Variants in TTBK1 observed in about 807,000 individuals in gnomAD.
TTBK1 encodes tau-tubulin kinase 1.
In TTBK1, 34 loss-of-function variants were observed where a neutral mutation model predicts 108.5. The ratio of observed to expected loss-of-function variants is 0.31; its 90% confidence interval spans 0.24 to 0.42. TTBK1 has a LOEUF of 0.42. Among genes scored for constraint, TTBK1 ranks in the 10% least tolerant of loss-of-function variants. The probability of loss-of-function intolerance (pLI) is 1.00; values close to 1 mark genes in which losing one functional copy is unlikely to be tolerated. For missense variants in TTBK1, 1,539 were observed against 1,826.0 expected, an observed-to-expected ratio of 0.84 and a Z score of 2.86; for synonymous variants, 809 against 795.1, an observed-to-expected ratio of 1.02 and a Z score of -0.29.
rs1562102355 is a variant in TTBK1 at position 43,284,030 on chromosome 6, G to A, written c.3290G>A (p.Arg1097Lys). 2 of 1,563,324 alleles carry A rather than the reference G, an allele frequency of 1.3e-6. No homozygotes were observed. Among genetic ancestry groups the A allele is most frequent in the Non-Finnish European group, 8.7e-7 (1 of 1,153,022 alleles). ...QDLARLVMEK[R>K]QGRLLLRLAS... Reference sequence around the variant, plus strand: ...CTGGCGCGGCTGGTGATGGAGAAGAGGCAGGGCCGCCTGCTGTTGCGGCTG... The same window carrying A: ...CTGGCGCGGCTGGTGATGGAGAAGAAGCAGGGCCGCCTGCTGTTGCGGCTG... The change falls in exon 14 of 15, where the codon AGG (arginine) becomes AAG (lysine). Residue 1097 changes from arginine (R) to lysine (K), a missense_variant. Transcript: ENST00000259750.
rs552735153 is a variant in TTBK1, at chr6:43,263,117, C to T, written c.1753C>T (p.Arg585Trp). Residue 585 changes from arginine (R) to tryptophan (W), a missense_variant, in exon 13 of 15, where the codon CGG (arginine) becomes TGG (tryptophan). Around this residue, in one of 5 missense-constraint regions of TTBK1, gnomAD observed 1,055 missense variants for 1,086.5 expected, o/e 0.97. Coordinates refer to ENST00000259750, the MANE Select transcript of TTBK1 (RefSeq NM_032538.3). This position sits in a 1 kb window ranked among gnomAD's most constrained non-coding sequence, Gnocchi z 4.7. ...RPLPEEGEERRRLGAEPTVRP... is the reference protein window; with the variant it reads ...RPLPEEGEERWRLGAEPTVRP... ...ACTGCCCGAGGAGGGCGAAGAGCGG[C>T]GGCGGCTGGGGGCAGAGCCCACCGT... 9 of 1,567,044 alleles carry T rather than the reference C, an allele frequency of 5.7e-6. No individual in the cohort carries two copies. The highest frequency in any genetic ancestry group is 3.5e-5 in the South Asian group (3 of 86,030).
chr6:43,258,936 G>A (rs957483961), intron 10 of TTBK1, 102 bp from the exon 11 acceptor site: 45 of 795,242 alleles, frequency 5.7e-5, no homozygotes, highest in Non-Finnish European at 7.1e-5. Flanking sequence ...CTCTGTGCCC[G>A]CTCCTGGGGG....
intron 1 of TTBK1, among the ~76,000 whole-genome samples, chr6:43,245,330 G>A (rs574152309): frequency 3.9e-5 from 6 of 151,914 alleles, no homozygotes; most frequent in African/African-American, 1.4e-4. Flanking sequence ...GTGAGGGCAC[G>A]GTAGTGTGCT....
chr6:43,253,269 G>A lies in TTBK1; in HGVS notation c.257-22G>A. On this transcript the variant is annotated intron_variant, in intron 3 of 14. Transcript: ENST00000259750. The surrounding 1 kb of genome is among the most constrained non-coding windows in gnomAD (Gnocchi z 5.8). ...GAGGAAGAAAGAGTAAGAGCTGGAA[G>A]ACCTATGTCTGTGCCCCTCAGGGAA... is the stretch of plus-strand genomic sequence containing the variant. The A allele has an allele frequency of 1.2e-6, 2 of 1,613,550 alleles. No homozygotes were observed. Among genetic ancestry groups the A allele is most frequent in the Non-Finnish European group, 1.7e-6 (2 of 1,179,492 alleles).
chr6:43,285,221 C>G lies in TTBK1; in HGVS notation c.3811C>G (p.Pro1271Ala). 1 of 1,306,734 alleles carries G rather than the reference C, an allele frequency of 7.7e-7. No individual in the cohort carries two copies. Among genetic ancestry groups the G allele is most frequent in the Non-Finnish European group, 9.7e-7 (1 of 1,030,142 alleles). The allele number at this position is 1,306,734 out of a possible 1,614,324, so 80.9% of individuals were successfully genotyped here. A position where few individuals can be genotyped will look rare whatever the true frequency, so the allele number is the denominator to read the frequency against. Residue 1271 changes from proline (P) to alanine (A), a missense_variant, in exon 15 of 15, where the codon CCC becomes GCC. By Grantham distance (27) the Pro-to-Ala change is conservative. Around this residue, in one of 5 missense-constraint regions of TTBK1, gnomAD observed 1,055 missense variants for 1,086.5 expected, o/e 0.97. Transcript: ENST00000259750. The surrounding 1 kb of genome is among the most constrained non-coding windows in gnomAD (Gnocchi z 4.7). ...SPSHQARPGVPPPRGVPPARA... is the reference protein window; with the variant it reads ...SPSHQARPGVAPPRGVPPARA... ...CTCGCACCAGGCCCGGCCCGGGGTC[C>G]CCCCGCCCCGGGGCGTCCCGCCGGC...
At chr6:43,284,658 G>GA (rs1295250835) in intron 14 of TTBK1, among the ~76,000 whole-genome samples, 1 of 152,252 alleles carries the variant, frequency 6.6e-6, no homozygotes, top group Non-Finnish European at 1.5e-5. Context: ...CTCCTTGGGA[G>GA]AAAACATTAT....
chr6:43,283,307 A>C lies in TTBK1; in HGVS notation c.2567A>C (p.Asp856Ala), dbSNP rs762416657. 1.3e-6 allele frequency: 2 copies of C among 1,577,682 alleles called. No homozygotes were observed. Among genetic ancestry groups the C allele is most frequent in the East Asian group, 2.3e-5 (1 of 42,560 alleles). ...KSPVTAELAP[D>A]PDLGTLAALT... ...CCCGTCACTGCCGAACTGGCCCCCG[A>C]CCCCGACCTGGGCACCCTGGCTGCC... is the stretch of plus-strand genomic sequence containing the variant. The change falls in exon 14 of 15, where the codon GAC (aspartate) becomes GCC (alanine). Residue 856 changes from aspartate (D) to alanine (A), a missense_variant. Asp to Ala is a moderately radical substitution (Grantham distance 126). Around this residue, in one of 5 missense-constraint regions of TTBK1, gnomAD observed 1,055 missense variants for 1,086.5 expected, o/e 0.97. Coordinates refer to ENST00000259750, the MANE Select transcript of TTBK1 (RefSeq NM_032538.3). This position sits in a 1 kb window ranked among gnomAD's most constrained non-coding sequence, Gnocchi z 8.1.
chr6:43,247,066 T>G (rs1055336362), intron 2 of TTBK1, among the ~76,000 whole-genome samples: 1 of 152,078 alleles, frequency 6.6e-6, no homozygotes, highest in Admixed American at 6.5e-5. Context: ...CAGAGGCCAG[T>G]GTGGCGGAGG....
In TTBK1 at chr6:43,246,706, G is replaced by A. The variant is rs749009814; in HGVS notation, c.46G>A (p.Gly16Arg). Residue 16 changes from glycine (G) to arginine (R), a missense_variant, in exon 2 of 15, where the codon GGG becomes AGG. Physicochemically the swap from Gly to Arg is moderately radical, Grantham distance 125. Transcript: ENST00000259750. ...AALKDETNMS[G>R]GGEQADILPA... ...CCTTAAGGACGAAACCAACATGAGT[G>A]GGGGAGGGGAGCAGGCCGACATCCT... is the stretch of plus-strand genomic sequence containing the variant. 1.2e-6 allele frequency: 2 copies of A among 1,612,392 alleles called. No homozygotes were observed. Among genetic ancestry groups the A allele is most frequent in the East Asian group, 2.2e-5 (1 of 44,732 alleles).
At position 43,282,936 on chromosome 6, in the gene TTBK1, G is replaced by A. The variant is rs1447483771; in HGVS notation, c.2196G>A (p.Lys732=). The part of the protein sequence containing the change: ...LAPVQPQANG[K]EEEEEEEEDE... ...CTGTTCAGCCTCAGGCTAATGGGAA[G>A]GAGGAAGAGGAGGAGGAGGAGGAAG... is the stretch of plus-strand genomic sequence containing the variant. The change falls in exon 14 of 15, where the codon AAG becomes AAA. Residue 732 remains lysine (K), a synonymous_variant. Coordinates refer to ENST00000259750, the MANE Select transcript of TTBK1 (RefSeq NM_032538.3). This position sits in a 1 kb window ranked among gnomAD's most constrained non-coding sequence, Gnocchi z 5.4. The A allele has an allele frequency of 2.5e-6, 4 of 1,612,904 alleles. No homozygotes were observed. Among genetic ancestry groups the A allele is most frequent in the Non-Finnish European group, 3.4e-6 (4 of 1,179,266 alleles).
At chr6:43,271,599 G>A (rs1777836581) in intron 13 of TTBK1, 4 of 985,002 alleles carry the variant, frequency 4.1e-6, no homozygotes, top group African/African-American at 1.8e-5. Context: ...GAGGCCTCAG[G>A]GCCCTGGCCC....
rs1036112309 is a variant in TTBK1 at position 43,273,719 on chromosome 6, A to T, written c.1987-9008A>T. ...TGCCCATACCATCCTCAGCTCAACC[A>T]ATTGTTGCCACTATCTTCTAATTTT... On this transcript the variant is annotated intron_variant, in intron 13 of 14. Coordinates refer to ENST00000259750, the MANE Select transcript of TTBK1 (RefSeq NM_032538.3). The surrounding 1 kb of genome is among the most constrained non-coding windows in gnomAD (Gnocchi z 4.2). Among the ~76,000 whole-genome samples, 1 of 152,212 alleles carries T rather than the reference A, an allele frequency of 6.6e-6. No homozygotes were observed. The highest frequency in any genetic ancestry group is 1.5e-5 in the Non-Finnish European group (1 of 68,038).
At chr6:43,264,075 G>T (rs1286056136) in intron 13 of TTBK1, among the ~76,000 whole-genome samples, 1 of 152,128 alleles carries the variant, frequency 6.6e-6, no homozygotes, top group Non-Finnish European at 1.5e-5. Flanking sequence ...AAGGGAATGA[G>T]AATTCAGATT....
intron 6 of TTBK1, 122 bp downstream of exon 6, chr6:43,254,773 G>A (rs558481305): frequency 4.5e-6 from 4 of 896,796 alleles, no homozygotes; most frequent in East Asian, 2.7e-5. Context: ...CAGTATCAGC[G>A]CCACCCAGCT....
At chr6:43,250,649 G>A (rs1295988691) in intron 2 of TTBK1, among the ~76,000 whole-genome samples, 2 of 152,122 alleles carry the variant, frequency 1.3e-5, no homozygotes, top group Non-Finnish European at 2.9e-5. Flanking sequence ...GGGAGCCACC[G>A]CGCCTGGACC....
At chr6:43,244,547 T>C (rs948968897) in intron 1 of TTBK1, among the ~76,000 whole-genome samples, 5 of 152,172 alleles carry the variant, frequency 3.3e-5, no homozygotes, top group African/African-American at 1.2e-4. Flanking sequence ...TGTCCCATGT[T>C]TGTATCATCC....
chr6:43,281,062 T>C (rs1177106967), intron 13 of TTBK1, among the ~76,000 whole-genome samples: 3 of 152,200 alleles, frequency 2.0e-5, no homozygotes, highest in East Asian at 1.9e-4. Context: ...GGGGGATTCA[T>C]GGGCCAAGTC....
In TTBK1 at chr6:43,283,404, C is replaced by T. The variant is rs1221450566; in HGVS notation, c.2664C>T (p.Ser888=). ...ACGTATCTGAGCCAGGCACCCTGTCCTCTGTCCTCAAGTCTGAGCCCAAGC... is the reference window on the plus strand; with the variant it reads ...ACGTATCTGAGCCAGGCACCCTGTCTTCTGTCCTCAAGTCTGAGCCCAAGC... ...QLDVSEPGTL[S]SVLKSEPKPP... The change falls in exon 14 of 15, where the codon TCC becomes TCT. Residue 888 remains serine, a synonymous_variant. Transcript: ENST00000259750. The surrounding 1 kb of genome is among the most constrained non-coding windows in gnomAD (Gnocchi z 8.1). 1.2e-6 allele frequency: 2 copies of T among 1,612,122 alleles called. No homozygotes were observed. Among genetic ancestry groups the T allele is most frequent in the Admixed American group, 1.7e-5 (1 of 59,786 alleles).
chr6:43,283,619 T>G lies in TTBK1; in HGVS notation c.2879T>G (p.Leu960Arg), dbSNP rs991237808. The change falls in exon 14 of 15, where the codon CTG becomes CGG. Residue 960 changes from leucine (L) to arginine (R), a missense_variant. Physicochemically the swap from Leu to Arg is moderately radical, Grantham distance 102 (BLOSUM62 -2). This residue lies in a region of TTBK1 where 1,055 missense variants were observed against 1,086.5 expected (regional missense o/e 0.97). Transcript: ENST00000259750. This position sits in a 1 kb window ranked among gnomAD's most constrained non-coding sequence, Gnocchi z 8.1. ...GAGGAGTTCAGCGCTGGGGGCGAGCTGGGTCTGGAGCTGGCCTCTGATGGG... is the reference window on the plus strand; with the variant it reads ...GAGGAGTTCAGCGCTGGGGGCGAGCGGGGTCTGGAGCTGGCCTCTGATGGG... ...RSEEFSAGGE[L>R]GLELASDGGA... is the part of the protein sequence containing the mutation. 3.7e-6 allele frequency: 6 copies of G among 1,614,008 alleles called. No homozygotes were observed. The highest frequency in any genetic ancestry group is 5.1e-6 in the Non-Finnish European group (6 of 1,179,988).
Sources: gnomAD v4.1 joint callset for allele counts (sites outside exome capture counted in the v4.1 genomes callset) on GRCh38, gnomAD v4.1.1 for gene constraint, gnomAD v4.1.1 regional missense constraint, Gnocchi (gnomAD v3.1) non-coding constraint, MANE v1.5 for transcripts, NCBI Gene and HGNC (gene_info 2026-07-23, HGNC 2026-07-21) for gene names.